The following EPS15 variants were observed in gnomAD, a reference collection of about 807,000 sequenced individuals.
EPS15 encodes the protein epidermal growth factor receptor pathway substrate 15.
Under a neutral mutation model 113.8 loss-of-function variants are expected in EPS15, and 72 were observed. The ratio of observed to expected loss-of-function variants is 0.63; its 90% CI spans 0.52 to 0.77. The LOEUF is 0.77. Among genes scored for constraint, EPS15 ranks in the 30% least tolerant of loss-of-function variants. The pLI is 0.00. For synonymous variants in EPS15, 344 were observed against 363.4 expected (o/e 0.95, Z 0.61); for missense variants, 1,048 against 1,045.8 (o/e 1.00, Z -0.03).
At chr1:51,408,482 TGAGA>T (rs1297414655) in intron 14 of EPS15, 150 bp from the exon 15 acceptor site, 3 of 641,654 alleles carry the variant, frequency 4.7e-6, no homozygotes, top group Non-Finnish European at 5.3e-6. Context: ...ATTTAATTTT[TGAGA>T]GAGAGAGTCT....
chr1:51,426,283 GT>G (rs1392159954), intron 12 of EPS15, among the ~76,000 whole-genome samples: 1 of 150,994 alleles, frequency 6.6e-6, no homozygotes. Flanking sequence ...GGCAATGACT[GT>G]CCAGAAATTG....
chr1:51,414,885 G>A (rs1346832866), intron 13 of EPS15, among the ~76,000 whole-genome samples: 1 of 152,116 alleles, frequency 6.6e-6, no homozygotes, highest in African/African-American at 2.4e-5. Context: ...ATACATATTT[G>A]TAGAAAATAC....
chr1:51,396,812 G>A (rs1001585216), intron 20 of EPS15, among the ~76,000 whole-genome samples: 25 of 151,952 alleles, frequency 1.6e-4, no homozygotes, highest in African/African-American at 6.0e-4. Context: ...GATTGTATTG[G>A]TGAAAATCTT....
At position 51,513,837 on chromosome 1, in the gene EPS15, T is replaced by C. The variant is rs1373982284; in HGVS notation, c.33+5362A>G. Among the ~76,000 whole-genome samples the C allele has an allele frequency of 2.0e-5, 3 of 152,218 alleles. No homozygotes were observed. In the East Asian group the frequency reaches 5.8e-4, roughly 29 times the overall value. Reference sequence around the variant, plus strand: ...TAATTATTATCATTCCTCTAATCAATTTCTCTAAATGTTTAGGATGAAAAC... The same window carrying C: ...TAATTATTATCATTCCTCTAATCAACTTCTCTAAATGTTTAGGATGAAAAC... On this transcript the variant is annotated intron_variant, in intron 1 of 24. Transcript: ENST00000371733.
At chr1:51,380,571 T>TA (rs1028836095) in intron 21 of EPS15, among the ~76,000 whole-genome samples, 2 of 151,710 alleles carry the variant, frequency 1.3e-5, no homozygotes, top group East Asian at 1.9e-4. Context: ...GAGGAGGGAA[T>TA]AAAAAATGTC....
At position 51,408,314 on chromosome 1, in the gene EPS15, C is replaced by G; in HGVS notation, c.1294G>C (p.Glu432Gln). 6.2e-7 allele frequency: 1 copy of G among 1,612,034 alleles called. No homozygotes were observed. The highest frequency in any genetic ancestry group is 8.5e-7 in the Non-Finnish European group (1 of 1,178,348). The change falls in exon 15 of 25, where the codon GAA (glutamate) becomes CAA (glutamine). Residue 432 changes from glutamate (E) to glutamine (Q), a missense_variant. Glu to Gln is a conservative substitution (Grantham distance 29). Transcript: ENST00000371733. ...EAQLISSLKA[E>Q]LTSQESQIST... ...ATCTGCGATTCCTGACTAGTTAATT[C>G]AGCTTTCAGAGAAGAGATCTATAAT...
At chr1:51,412,673 T>C (rs1280497056) in intron 13 of EPS15, among the ~76,000 whole-genome samples, 1 of 152,214 alleles carries the variant, frequency 6.6e-6, no homozygotes, top group Admixed American at 6.5e-5. Flanking sequence ...ACTTTAGATA[T>C]GCACATGGCA....
intron 16 of EPS15, among the ~76,000 whole-genome samples, chr1:51,404,239 G>A (rs1423277379): frequency 2.0e-5 from 3 of 150,718 alleles, no homozygotes; most frequent in Non-Finnish European, 4.4e-5. Flanking sequence ...CCAGCTACTC[G>A]GGAGGCTGAG....
chr1:51,477,647 T>C (rs905713686), intron 2 of EPS15, among the ~76,000 whole-genome samples: 3 of 152,226 alleles, frequency 2.0e-5, no homozygotes, highest in Admixed American at 6.5e-5. Flanking sequence ...GGTTCTGGTA[T>C]GTTGTGTCTT....
At chr1:51,469,377 T>C (rs966643338) in intron 4 of EPS15, among the ~76,000 whole-genome samples, 14 of 152,174 alleles carry the variant, frequency 9.2e-5, no homozygotes, top group Non-Finnish European at 4.4e-5. Flanking sequence ...AAAAAAATTA[T>C]GTAACGGTTT....
intron 11 of EPS15, among the ~76,000 whole-genome samples, chr1:51,443,149 T>A (rs1570315991): frequency 1.3e-5 from 2 of 152,282 alleles, no homozygotes; most frequent in East Asian, 1.9e-4. Flanking sequence ...GTGAATGAAC[T>A]TCAGACAAAT....
At chr1:51,367,209 C>T (rs1261279943) in intron 21 of EPS15, among the ~76,000 whole-genome samples, 3 of 151,946 alleles carry the variant, frequency 2.0e-5, no homozygotes, top group African/African-American at 4.8e-5. Flanking sequence ...TAGATAAACA[C>T]GGGGAAGAGA....
At chr1:51,436,894 T>A (rs72696121) in intron 12 of EPS15, among the ~76,000 whole-genome samples, 4 of 152,238 alleles carry the variant, frequency 2.6e-5, no homozygotes, top group Admixed American at 2.6e-4. Flanking sequence ...TCCTACTAGA[T>A]GTTCAGATGA....
chr1:51,426,360 C>T (rs150081022), intron 12 of EPS15, among the ~76,000 whole-genome samples: 3 of 148,504 alleles, frequency 2.0e-5, no homozygotes, highest in African/African-American at 7.5e-5. Flanking sequence ...CAAGAATGAG[C>T]CTGTGACCAA....
chr1:51,409,887 T>C (rs1459961812), intron 13 of EPS15, among the ~76,000 whole-genome samples, 191 bp from the exon 14 acceptor site: 1 of 152,072 alleles, frequency 6.6e-6, no homozygotes, highest in Non-Finnish European at 1.5e-5. Flanking sequence ...TATTTAGATA[T>C]TCAATTTGCT....
chr1:51,515,458 T>G (rs992387280), intron 1 of EPS15, among the ~76,000 whole-genome samples: 1 of 151,102 alleles, frequency 6.6e-6, no homozygotes, highest in Non-Finnish European at 1.5e-5. Flanking sequence ...GGTGACAGAG[T>G]GTGATCCTGT....
chr1:51,472,522 G>A (rs532258702), intron 3 of EPS15, among the ~76,000 whole-genome samples: 141 of 152,238 alleles, frequency 9.3e-4, no homozygotes, highest in African/African-American at 3.3e-3. Flanking sequence ...ATTAAACAGA[G>A]ACAGTTATAA....
At chr1:51,379,638 TG>T (rs1211841561) in intron 21 of EPS15, among the ~76,000 whole-genome samples, 1 of 152,156 alleles carries the variant, frequency 6.6e-6, no homozygotes, top group African/African-American at 2.4e-5. Context: ...CTAAAGGGGC[TG>T]GGAGCAGTGG....
chr1:51,465,987 G>T (rs1654815031), intron 5 of EPS15, among the ~76,000 whole-genome samples: 1 of 150,068 alleles, frequency 6.7e-6, no homozygotes, highest in Middle Eastern at 3.4e-3. Flanking sequence ...GAAACAGAAT[G>T]AGGCCATCTC....
Sources: gnomAD v4.1 joint callset for allele counts (sites outside exome capture counted in the v4.1 genomes callset) on GRCh38, gnomAD v4.1.1 for gene constraint, MANE v1.5 for transcripts, NCBI Gene and HGNC (gene_info 2026-07-23, HGNC 2026-07-21) for gene names.